Variants in ANXA11 observed in about 807,000 individuals in gnomAD.
ANXA11 encodes annexin A11, also known as 56 kDa autoantigen.
ANXA11 carries 57 observed loss-of-function variants against 64.7 expected under a neutral mutation model. The ratio of observed to expected loss-of-function variants is 0.88; its 90% CI spans 0.71 to 1.10. The LOEUF (loss-of-function observed/expected upper bound fraction) is 1.10. ANXA11 is among the 50% of genes least tolerant of loss of function. The probability of loss-of-function intolerance (pLI) is 0.00; values close to 1 mark genes in which losing one functional copy is unlikely to be tolerated. For missense variants in ANXA11, 675 were observed against 670.7 expected (o/e 1.01, Z -0.07); for synonymous variants, 260 against 265.2 (o/e 0.98, Z 0.19).
At position 80,166,095 on chromosome 10, in the gene ANXA11, CCTTT is replaced by C; in HGVS notation, c.843_846del (p.Ile281MetfsTer14). The C allele has an allele frequency of 1.3e-6, 2 of 1,591,464 alleles. No homozygotes were observed. The highest frequency in any genetic ancestry group is 1.7e-6 in the Non-Finnish European group (2 of 1,161,136). ...ACACACGTACACACCTTGATGGCTT[CCTTT>C]ATCTCATAAATGTCAAAGAGGACTG... On this transcript the variant is annotated frameshift_variant, in exon 8 of 16. Transcript: ENST00000422982. LOFTEE classifies it high-confidence loss of function.
At chr10:80,195,784 T>C (rs147037308) in intron 1 of ANXA11, 9,240 of 159,338 alleles carry the variant, frequency 0.058, 450 homozygotes, top group African/African-American at 0.14. Flanking sequence ...GAAAGGCACG[T>C]CTCACATGGC....
chr10:80,200,065 AG>A (rs1282915015), intron 1 of ANXA11, among the ~76,000 whole-genome samples: 1 of 152,234 alleles, frequency 6.6e-6, no homozygotes, highest in Non-Finnish European at 1.5e-5. Context: ...AGGAAGGGGC[AG>A]GAATTGCAAA....
chr10:80,188,511 A>ATATATATATATG (rs1554834982), intron 1 of ANXA11, among the ~76,000 whole-genome samples: 3,934 of 125,934 alleles, frequency 0.031, 261 homozygotes, highest in African/African-American at 0.037. Flanking sequence ...ATATATATAT[A>ATATATATATATG]GCACTACAAC....
At chr10:80,192,843 T>C (rs1244971774) in intron 1 of ANXA11, among the ~76,000 whole-genome samples, 5 of 152,178 alleles carry the variant, frequency 3.3e-5, no homozygotes. Flanking sequence ...TAGGGAGGAA[T>C]AGAGATATTT....
chr10:80,161,496 C>T (rs992590019), intron 12 of ANXA11, among the ~76,000 whole-genome samples: 2 of 152,256 alleles, frequency 1.3e-5, no homozygotes, highest in Admixed American at 6.5e-5. Context: ...ACACACTCTG[C>T]AGTGCCCTGC....
intron 1 of ANXA11, among the ~76,000 whole-genome samples, chr10:80,184,476 C>T (rs1311440162): frequency 6.6e-6 from 1 of 151,970 alleles, no homozygotes; most frequent in Non-Finnish European, 1.5e-5. Flanking sequence ...TGATGTAACC[C>T]CATCATAAAG....
chr10:80,180,900 C>T (rs1284534907), intron 1 of ANXA11: 1 of 152,170 alleles, frequency 6.6e-6, no homozygotes, highest in Non-Finnish European at 1.5e-5. Context: ...CTCCTTACCA[C>T]CAGTGTGTTT....
At chr10:80,166,695 A>C in intron 7 of ANXA11, 195 bp downstream of exon 7, 1 of 592,916 alleles carries the variant, frequency 1.7e-6, no homozygotes, top group South Asian at 2.0e-5. Context: ...GGAGCCTCTC[A>C]GCAAACCTCA....
At chr10:80,158,438 C>A (rs1845367055) in intron 13 of ANXA11, among the ~76,000 whole-genome samples, 1 of 152,110 alleles carries the variant, frequency 6.6e-6, no homozygotes, top group African/African-American at 2.4e-5. Flanking sequence ...TCTCCCTAGG[C>A]TTCCCAGGCC....
At position 80,161,974 on chromosome 10, in the gene ANXA11, C is replaced by T; in HGVS notation, c.1141G>A (p.Ala381Thr). ...GCCCGGCTCCGGGAGCACAGAACCG[C>T]ATTGAACTTGGACTCGTCTGTTCCC... ...RLGTDESKFNAVLCSRSRAHL... is the reference protein window; with the variant it reads ...RLGTDESKFNTVLCSRSRAHL... The change falls in exon 12 of 16, where the codon GCG becomes ACG. Residue 381 changes from alanine (A) to threonine (T), a missense_variant. Ala to Thr is a moderately conservative substitution (Grantham distance 58, BLOSUM62 0). Coordinates refer to ENST00000422982, the MANE Select transcript of ANXA11 (RefSeq NM_145868.2). 6.2e-7 allele frequency: 1 copy of T among 1,612,842 alleles called. No homozygotes were observed. The highest frequency in any genetic ancestry group is 8.5e-7 in the Non-Finnish European group (1 of 1,179,878).
At chr10:80,157,904 C>A (rs1845339665) in intron 14 of ANXA11, 63 bp downstream of exon 14, 1 of 1,602,182 alleles carries the variant, frequency 6.2e-7, no homozygotes, top group South Asian at 1.1e-5. Context: ...TGCCCTCAGC[C>A]CTTGGTCCCA....
chr10:80,188,862 G>C (rs1846654033), intron 1 of ANXA11, among the ~76,000 whole-genome samples: 1 of 152,088 alleles, frequency 6.6e-6, no homozygotes, highest in African/African-American at 2.4e-5. Flanking sequence ...ACTAAACTCA[G>C]GTGTCAGGCT....
chr10:80,184,440 G>T (rs1455040824), intron 1 of ANXA11, among the ~76,000 whole-genome samples: 2 of 152,178 alleles, frequency 1.3e-5, no homozygotes, highest in Non-Finnish European at 2.9e-5. Flanking sequence ...CAAAAGTGGA[G>T]GAGCTGGTTA....
chr10:80,156,628 C>A (rs1237522784), intron 15 of ANXA11: 1 of 348,082 alleles, frequency 2.9e-6, no homozygotes. Flanking sequence ...ATTCTCCTGC[C>A]GCAGCCTACC....
At chr10:80,192,995 A>G (rs907404123) in intron 1 of ANXA11, among the ~76,000 whole-genome samples, 17 of 152,248 alleles carry the variant, frequency 1.1e-4, no homozygotes, top group African/African-American at 3.6e-4. Flanking sequence ...ATCTAGGAAT[A>G]GGAGAATCTA....
chr10:80,191,236 A>T (rs1202063555), intron 1 of ANXA11, among the ~76,000 whole-genome samples: 1 of 152,004 alleles, frequency 6.6e-6, no homozygotes, highest in East Asian at 1.9e-4. Context: ...AAAATAAAAT[A>T]AAATTAAAAT....
At chr10:80,180,023 A>T (rs113460494) in intron 1 of ANXA11, among the ~76,000 whole-genome samples, 33 of 152,330 alleles carry the variant, frequency 2.2e-4, no homozygotes, top group African/African-American at 7.5e-4. Context: ...AGCATAGAGC[A>T]GCTATCTGGG....
intron 1 of ANXA11, among the ~76,000 whole-genome samples, chr10:80,197,911 G>A (rs1254937128): frequency 2.7e-5 from 4 of 150,496 alleles, no homozygotes; most frequent in Non-Finnish European, 4.4e-5. Context: ...GCGACAGAGT[G>A]AGACTCCGTC....
intron 14 of ANXA11, 78 bp from the exon 15 acceptor site, chr10:80,157,841 C>T: frequency 1.9e-6 from 3 of 1,588,458 alleles, no homozygotes; most frequent in Non-Finnish European, 2.6e-6. Context: ...CAGTCCCCTC[C>T]CTACCCAGGT....
Sources: gnomAD v4.1 joint callset for allele counts (sites outside exome capture counted in the v4.1 genomes callset) on GRCh38, gnomAD v4.1.1 for gene constraint, MANE v1.5 for transcripts, NCBI Gene and HGNC (gene_info 2026-07-23, HGNC 2026-07-21) for gene names.